The following TMEM59L variants were observed in gnomAD, a reference collection of about 807,000 sequenced individuals.
The protein encoded by TMEM59L is transmembrane protein 59-like.
Under a neutral mutation model 39.6 loss-of-function variants are expected in TMEM59L, and 31 were observed. The ratio of observed to expected loss-of-function variants is 0.78; its 90% CI spans 0.59 to 1.06. The LOEUF (loss-of-function observed/expected upper bound fraction) is 1.06. Among genes scored for constraint, TMEM59L ranks in the 50% least tolerant of loss-of-function variants. The pLI, the probability that TMEM59L is intolerant of heterozygous loss-of-function variation, is 0.00. For synonymous variants in TMEM59L, 219 were observed against 202.9 expected (o/e 1.08, Z -0.68); for missense variants, 441 against 451.3 (o/e 0.98, Z 0.21).
intron 5 of TMEM59L, 95 bp downstream of exon 5, chr19:18,617,197 C>A: frequency 2.2e-6 from 2 of 927,770 alleles, no homozygotes; most frequent in South Asian, 1.3e-5. Flanking sequence ...TCGGGATCTC[C>A]ATCTCTCAAG....
At position 18,612,962 on chromosome 19, in the gene TMEM59L, G is replaced by T; in HGVS notation, c.4G>T (p.Ala2Ser). Residue 2 changes from alanine to serine, a missense_variant, in exon 1 of 8, where the codon GCT becomes TCT. Coordinates refer to ENST00000262817, the MANE Select transcript of TMEM59L (RefSeq NM_012109.3). This position sits in a 1 kb window ranked among gnomAD's most constrained non-coding sequence, Gnocchi z 6.2. Reference protein sequence around the residue: MAAVALMPPPLL... With the variant: MSAVALMPPPLL... ...GCCCCCCGCGTTCCGCCCGGCCATGGCTGCGGTGGCGCTGATGCCACCGCC... is the reference window on the plus strand; with the variant it reads ...GCCCCCCGCGTTCCGCCCGGCCATGTCTGCGGTGGCGCTGATGCCACCGCC... 7.6e-7 allele frequency: 1 copy of T among 1,319,432 alleles called. No homozygotes were observed. The highest frequency in any genetic ancestry group is 2.1e-5 in the South Asian group (1 of 47,226). The allele number at this position is 1,319,432 out of a possible 1,614,324, so 81.7% of individuals were successfully genotyped here. A position where few individuals can be genotyped will look rare whatever the true frequency, so the allele number is the denominator to read the frequency against.
chr19:18,613,837 C>T (rs745644574), intron 1 of TMEM59L, 35 bp from the exon 2 acceptor site: 1 of 1,582,516 alleles, frequency 6.3e-7, no homozygotes, highest in Non-Finnish European at 8.6e-7. Context: ...CTGCCCCTCC[C>T]CATGGCCTGA....
In TMEM59L at chr19:18,618,417, C is replaced by A; in HGVS notation, c.825C>A (p.Phe275Leu). 6.2e-7 allele frequency: 1 copy of A among 1,608,190 alleles called. No homozygotes were observed. The change falls in exon 7 of 8, where the codon TTC becomes TTA. Residue 275 changes from phenylalanine to leucine, a missense_variant. Phe to Leu is a conservative substitution (Grantham distance 22). Coordinates refer to ENST00000262817, the MANE Select transcript of TMEM59L (RefSeq NM_012109.3). The stretch of plus-strand genomic sequence containing the variant: ...GCTGGATCCTGGCCTGCTGCCTCTT[C>A]CTCTCCGTGCTGGTGATGCTGTGGC... ...LPRWILACCL[F>L]LSVLVMLWLS...
Position 18,612,925 on chromosome 19 carries a change from G to T in TMEM59L, c.-34G>T. The T allele has an allele frequency of 7.8e-7, 1 of 1,281,330 alleles. No homozygotes were observed. Among genetic ancestry groups the T allele is most frequent in the Middle Eastern group, 3.0e-4 (1 of 3,282 alleles). The allele number at this position is 1,281,330 out of a possible 1,614,324, so 79.4% of individuals were successfully genotyped here. A position where few individuals can be genotyped will look rare whatever the true frequency, so the allele number is the denominator to read the frequency against. ...GCATCCTCCGTGCCCGGCCTGAGCTGGAGTCCCCCGCGCCCCCCGCGTTCC... is the reference window on the plus strand; with the variant it reads ...GCATCCTCCGTGCCCGGCCTGAGCTTGAGTCCCCCGCGCCCCCCGCGTTCC... On this transcript the variant is annotated 5_prime_UTR_variant, in exon 1 of 8. Coordinates refer to ENST00000262817, the MANE Select transcript of TMEM59L (RefSeq NM_012109.3). The surrounding 1 kb of genome is among the most constrained non-coding windows in gnomAD (Gnocchi z 6.2).
chr19:18,612,976 G>T lies in TMEM59L; in HGVS notation c.18G>T (p.Leu6=). The T allele has an allele frequency of 1.6e-5, 21 of 1,343,454 alleles. No homozygotes were observed. Among genetic ancestry groups the T allele is most frequent in the Non-Finnish European group, 2.0e-5 (21 of 1,051,278 alleles). The allele number at this position is 1,343,454 out of a possible 1,614,324, so 83.2% of individuals were successfully genotyped here. MAAVA[L]MPPPLLLLLL... ...GCCCGGCCATGGCTGCGGTGGCGCT[G>T]ATGCCACCGCCGCTGCTGCTGCTGC... Residue 6 remains leucine (L), a synonymous_variant, in exon 1 of 8, where the codon CTG becomes CTT. Coordinates refer to ENST00000262817, the MANE Select transcript of TMEM59L (RefSeq NM_012109.3). This position sits in a 1 kb window ranked among gnomAD's most constrained non-coding sequence, Gnocchi z 6.2.
chr19:18,617,955 G>C, intron 5 of TMEM59L, 200 bp from the exon 6 acceptor site: 2 of 620,968 alleles, frequency 3.2e-6, no homozygotes, highest in Non-Finnish European at 5.7e-6. Context: ...TCACCCCCAG[G>C]GTTGCATGGT....
At position 18,620,506 on chromosome 19, in the gene TMEM59L, C is replaced by CA; in HGVS notation, c.1001dup (p.Leu335AlafsTer99). 6.2e-7 allele frequency: 1 copy of CA among 1,613,810 alleles called. No individual in the cohort carries two copies. Among genetic ancestry groups the CA allele is most frequent in the Non-Finnish European group, 8.5e-7 (1 of 1,179,992 alleles). ...CCTGTGAGGACAGCCTACCACCCTA[C>CA]AAGCTGAAGCTGGACCTGACCAAGC... is the stretch of plus-strand genomic sequence containing the variant. On this transcript the variant is annotated frameshift_variant, in exon 8 of 8. Coordinates refer to ENST00000262817, the MANE Select transcript of TMEM59L (RefSeq NM_012109.3). LOFTEE classifies it high-confidence loss of function.
intron 3 of TMEM59L, among the ~76,000 whole-genome samples, chr19:18,614,421 A>G (rs1412705479): frequency 6.6e-6 from 1 of 152,228 alleles, no homozygotes; most frequent in Non-Finnish European, 1.5e-5. Flanking sequence ...GAAAACAGCC[A>G]TCATTTATCA....
At chr19:18,613,272 ATC>A in intron 1 of TMEM59L, 143 bp downstream of exon 1, 1 of 897,044 alleles carries the variant, frequency 1.1e-6, no homozygotes, top group Non-Finnish European at 1.5e-6. Flanking sequence ...GAATGGGGAG[ATC>A]TCTCCAGTAG....
At chr19:18,614,438 T>G (rs1306956513) in intron 3 of TMEM59L, among the ~76,000 whole-genome samples, 1 of 152,226 alleles carries the variant, frequency 6.6e-6, no homozygotes, top group Non-Finnish European at 1.5e-5. Flanking sequence ...ATCAAACATC[T>G]GTCCTGGTTC....
chr19:18,619,374 G>A (rs1414192680), intron 7 of TMEM59L, among the ~76,000 whole-genome samples: 1 of 152,196 alleles, frequency 6.6e-6, no homozygotes, highest in Non-Finnish European at 1.5e-5. Context: ...TAGTTGGGGC[G>A]ACATGAAGTC....
chr19:18,613,759 A>G, intron 1 of TMEM59L, 113 bp from the exon 2 acceptor site: 4 of 781,828 alleles, frequency 5.1e-6, no homozygotes, highest in Non-Finnish European at 6.2e-6. Context: ...CCATCTGGCT[A>G]GATGTCGTGG....
intron 7 of TMEM59L, among the ~76,000 whole-genome samples, 177 bp downstream of exon 7, chr19:18,618,669 G>A (rs56368558): frequency 2.6e-4 from 15 of 58,316 alleles, no homozygotes; most frequent in African/African-American, 5.5e-4. Flanking sequence ...GTGTGTGTGT[G>A]TGTGTATATA....
rs779467219 is a variant in TMEM59L at position 18,618,424 on chromosome 19, G to A, written c.832G>A (p.Val278Met). Residue 278 changes from valine (V) to methionine (M), a missense_variant, in exon 7 of 8, where the codon GTG (valine) becomes ATG (methionine). Physicochemically the swap from Val to Met is conservative, Grantham distance 21 (BLOSUM62 1). Transcript: ENST00000262817. ...CCTGGCCTGCTGCCTCTTCCTCTCCGTGCTGGTGATGCTGTGGCTGAGCTG... is the reference window on the plus strand; with the variant it reads ...CCTGGCCTGCTGCCTCTTCCTCTCCATGCTGGTGATGCTGTGGCTGAGCTG... ...WILACCLFLS[V>M]LVMLWLSCST... The A allele has an allele frequency of 1.7e-5, 27 of 1,608,170 alleles. No individual in the cohort carries two copies. The highest frequency in any genetic ancestry group is 1.1e-4 in the East Asian group (5 of 44,776).
chr19:18,617,763 C>G (rs141995451), intron 5 of TMEM59L: 43 of 411,344 alleles, frequency 1.0e-4, no homozygotes, highest in African/African-American at 8.1e-4. Flanking sequence ...GTTCCATCTC[C>G]CAGGGTTCCA....
chr19:18,620,786 T>G lies in TMEM59L; in HGVS notation c.*250T>G, dbSNP rs1184546924. ...CTTGGGGGCTTGCTACTTTTTGTCT[T>G]CTATTGTGTGGCTTTCTGAGTATTT... On this transcript the variant is annotated 3_prime_UTR_variant, in exon 8 of 8. Transcript: ENST00000262817. 3 of 406,146 alleles carry G rather than the reference T, an allele frequency of 7.4e-6. No individual in the cohort carries two copies. Among genetic ancestry groups the G allele is most frequent in the African/African-American group, 6.0e-5 (3 of 49,812 alleles). The allele number at this position is 406,146 out of a possible 1,614,324, so 25.2% of individuals were successfully genotyped here. A position where few individuals can be genotyped will look rare whatever the true frequency, so the allele number is the denominator to read the frequency against.
intron 1 of TMEM59L, 135 bp downstream of exon 1, chr19:18,613,264 AT>A: frequency 1.2e-6 from 1 of 868,406 alleles, no homozygotes; most frequent in Non-Finnish European, 1.5e-6. Flanking sequence ...GGGGTCGGGA[AT>A]GGGGAGATCT....
intron 4 of TMEM59L, among the ~76,000 whole-genome samples, chr19:18,616,399 G>GTTGTTGTTT (rs1364366885): frequency 2.0e-5 from 3 of 151,882 alleles, no homozygotes; most frequent in African/African-American, 7.3e-5. Flanking sequence ...TGTTGTTGTT[G>GTTGTTGTTT]TTGTTGTTTT....
intron 5 of TMEM59L, chr19:18,617,484 G>A (rs182702847): frequency 3.9e-5 from 18 of 464,806 alleles, no homozygotes; most frequent in African/African-American, 3.0e-4. Context: ...GGGATCCATG[G>A]TTCACTTTCC....
Sources: allele counts gnomAD v4.1 joint callset (sites outside exome capture counted in the v4.1 genomes callset), GRCh38; gene constraint gnomAD v4.1.1; non-coding constraint Gnocchi (gnomAD v3.1); transcripts MANE v1.5; gene names NCBI Gene and HGNC (gene_info 2026-07-23, HGNC 2026-07-21).